Variants in SNRNP40 observed in about 807,000 individuals in gnomAD.
SNRNP40 encodes the protein U5 small nuclear ribonucleoprotein 40 kDa protein.
SNRNP40 carries 21 observed loss-of-function variants against 45.8 expected under a neutral mutation model. The ratio of observed to expected loss-of-function variants is 0.46; its 90% CI spans 0.32 to 0.66. The LOEUF is 0.66. SNRNP40 is among the 30% of genes least tolerant of loss of function. The pLI is 0.03. For missense variants in SNRNP40, 344 were observed against 439.1 expected (o/e 0.78, Z 1.94); for synonymous variants, 142 against 163.8 (o/e 0.87, Z 1.01).
rs147234383 is a variant in SNRNP40, at chr1:31,273,219, A to G, written c.655-1720T>C. Among the ~76,000 whole-genome samples the G allele has an allele frequency of 4.3e-3, 654 of 152,338 alleles. 6 individuals are homozygous for G. Among genetic ancestry groups the G allele is most frequent in the African/African-American group, 0.015 (616 of 41,570 alleles). ...TTCTGAGAAGGCACTGTTGAAATCT[A>G]GCTTTGTAACAACTAGGAGAGAATG... On this transcript the variant is annotated intron_variant, in intron 5 of 9. Coordinates refer to ENST00000263694, the MANE Select transcript of SNRNP40 (RefSeq NM_004814.3).
intron 1 of SNRNP40, among the ~76,000 whole-genome samples, chr1:31,294,926 G>A (rs1557681767): frequency 1.3e-5 from 2 of 148,244 alleles, no homozygotes; most frequent in African/African-American, 2.5e-5. Flanking sequence ...TGGGTGACAA[G>A]AGCAAAATTC....
intron 7 of SNRNP40, among the ~76,000 whole-genome samples, chr1:31,268,581 T>C (rs185378378): frequency 4.4e-4 from 67 of 152,286 alleles, no homozygotes; most frequent in African/African-American, 1.5e-3. Context: ...AAAACAAAAT[T>C]TGATTTATAC....
rs72876330 is a variant in SNRNP40 at position 31,286,430 on chromosome 1, A to G, written c.531+2824T>C. 8.1e-3 allele frequency among the ~76,000 whole-genome samples: 1,227 copies of G among 152,188 alleles called. 19 individuals are homozygous for G. Among genetic ancestry groups the G allele is most frequent in the African/African-American group, 0.028 (1,156 of 41,516 alleles). ...AATTGTGATTCCCATTCTTGGTTGA[A>G]GCCATGTGTGACTCTTCCTTAACCA... On this transcript the variant is annotated intron_variant, in intron 4 of 9. Transcript: ENST00000263694.
intron 8 of SNRNP40, among the ~76,000 whole-genome samples, chr1:31,262,665 C>CA (rs573581277): frequency 2.7e-4 from 40 of 150,708 alleles, no homozygotes; most frequent in African/African-American, 8.3e-4. Context: ...TAGAACTCTT[C>CA]AAAAAAAAAG....
chr1:31,262,475 C>T (rs1277238653), intron 8 of SNRNP40, among the ~76,000 whole-genome samples: 4 of 136,446 alleles, frequency 2.9e-5, no homozygotes, highest in African/African-American at 1.1e-4. Context: ...GAGCTGAGAC[C>T]GTGGCACTGC....
chr1:31,271,586 G>A lies in SNRNP40; in HGVS notation c.655-87C>T, dbSNP rs530783738. ...ACAAGAGACAAGAGTCAATTGCCCA[G>A]AGACACTGATATTACTCTACTATAA... On this transcript the variant is annotated intron_variant, in intron 5 of 9. Coordinates refer to ENST00000263694, the MANE Select transcript of SNRNP40 (RefSeq NM_004814.3). The A allele has an allele frequency of 1.5e-4, 188 of 1,269,114 alleles. No individual in the cohort carries two copies. The South Asian group carries it at 2.4e-3, about 16-fold the overall frequency. 78.6% of individuals were successfully genotyped at this position (1,269,114 alleles called of 1,614,324 possible).
intron 3 of SNRNP40, 47 bp downstream of exon 3, chr1:31,291,866 C>CAGG (rs142762586): frequency 1.4e-5 from 18 of 1,295,228 alleles, no homozygotes; most frequent in Admixed American, 1.7e-5. Flanking sequence ...GAAAGGACGC[C>CAGG]AAGAATTAGT....
In SNRNP40 at chr1:31,259,778, C is replaced by T. The variant is rs1251150425; in HGVS notation, c.*294G>A. ...TACAAAAAAAAAAAAAAAATCCCAA[C>T]CAACAAATTTGTCACATTGGGCCTG... On this transcript the variant is annotated 3_prime_UTR_variant, in exon 10 of 10. Coordinates refer to ENST00000263694, the MANE Select transcript of SNRNP40 (RefSeq NM_004814.3). 3 of 548,680 alleles carry T rather than the reference C, an allele frequency of 5.5e-6. No individual in the cohort carries two copies. Among genetic ancestry groups the T allele is most frequent in the Middle Eastern group, 2.9e-4 (1 of 3,484 alleles). The allele number at this position is 548,680 out of a possible 1,614,324, so 34.0% of individuals were successfully genotyped here.
chr1:31,278,761 T>C (rs907332766), intron 5 of SNRNP40, among the ~76,000 whole-genome samples: 1 of 152,214 alleles, frequency 6.6e-6, no homozygotes, highest in African/African-American at 2.4e-5. Flanking sequence ...AAGGACCTGA[T>C]GCTTAAGATC....
chr1:31,290,118 T>C (rs1182260987), intron 3 of SNRNP40, among the ~76,000 whole-genome samples: 1 of 152,098 alleles, frequency 6.6e-6, no homozygotes, highest in Non-Finnish European at 1.5e-5. Context: ...CTCAGCCTCC[T>C]ACAGTGCTAG....
intron 7 of SNRNP40, 26 bp from the exon 8 acceptor site, chr1:31,267,958 T>C (rs541088597): frequency 1.9e-6 from 3 of 1,550,858 alleles, no homozygotes; most frequent in East Asian, 2.2e-5. Flanking sequence ...ATCCACTGAA[T>C]AGTAATATAC....
chr1:31,277,142 A>G (rs1284959441), intron 5 of SNRNP40, among the ~76,000 whole-genome samples: 3 of 152,222 alleles, frequency 2.0e-5, no homozygotes, highest in East Asian at 1.9e-4. Flanking sequence ...GGCAGCAGTG[A>G]GCCATGATTG....
At chr1:31,263,061 T>C (rs954602567) in intron 8 of SNRNP40, among the ~76,000 whole-genome samples, 5 of 99,454 alleles carry the variant, frequency 5.0e-5, no homozygotes, top group Non-Finnish European at 6.9e-5. Context: ...TAAGAGGCTA[T>C]AGAGTTTTAA....
At position 31,261,573 on chromosome 1, in the gene SNRNP40, G is replaced by A; in HGVS notation, c.980C>T (p.Ala327Val). ...GAAAGCCACTTCATTGATGGAGCCAGCATGGCCGGGCAGCTTATACAATAT... is the reference window on the plus strand; with the variant it reads ...GAAAGCCACTTCATTGATGGAGCCAACATGGCCGGGCAGCTTATACAATAT... ...RRILYKLPGH[A>V]GSINEVAFHP... Residue 327 changes from alanine to valine, a missense_variant, in exon 9 of 10, where the codon GCT becomes GTT. By Grantham distance (64) the Ala-to-Val change is moderately conservative (BLOSUM62 0). Coordinates refer to ENST00000263694, the MANE Select transcript of SNRNP40 (RefSeq NM_004814.3). 6.2e-7 allele frequency: 1 copy of A among 1,614,046 alleles called. No individual in the cohort carries two copies. The highest frequency in any genetic ancestry group is 8.5e-7 in the Non-Finnish European group (1 of 1,179,894).
Position 31,290,300 on chromosome 1 carries a change from G to A in SNRNP40, c.366-881C>T, listed in dbSNP as rs577963283. On this transcript the variant is annotated intron_variant, in intron 3 of 9. Transcript: ENST00000263694. ...TCCTCCTGCCTCAGCCTCCCAAATA[G>A]CTGGGATTATAAGCACATGCCACCA... is the stretch of plus-strand genomic sequence containing the variant. Among the ~76,000 whole-genome samples, 16 of 152,248 alleles carry A rather than the reference G, an allele frequency of 1.1e-4. No individual in the cohort carries two copies. In the South Asian group the frequency reaches 2.7e-3, roughly 26 times the overall value.
intron 4 of SNRNP40, among the ~76,000 whole-genome samples, chr1:31,288,221 G>A (rs1227863430): frequency 2.0e-5 from 3 of 152,028 alleles, no homozygotes; most frequent in Non-Finnish European, 2.9e-5. Flanking sequence ...AAGAAGTATG[G>A]GGGTGTAGTT....
intron 7 of SNRNP40, among the ~76,000 whole-genome samples, chr1:31,268,733 G>A (rs535338599): frequency 2.0e-5 from 3 of 152,302 alleles, no homozygotes; most frequent in African/African-American, 4.8e-5. Flanking sequence ...TTGGGCCGTG[G>A]TAGTTACTGA....
chr1:31,292,122 G>A, intron 2 of SNRNP40, 116 bp from the exon 3 acceptor site: 1 of 588,816 alleles, frequency 1.7e-6, no homozygotes, highest in East Asian at 3.2e-5. Flanking sequence ...CAGCACTTTG[G>A]GAGGCCGAGA....
intron 7 of SNRNP40, among the ~76,000 whole-genome samples, chr1:31,268,654 G>C (rs1645916040): frequency 6.6e-6 from 1 of 152,140 alleles, no homozygotes; most frequent in Non-Finnish European, 1.5e-5. Flanking sequence ...TTCTCTGAGG[G>C]GAAAAGCTTC....
Sources: allele counts gnomAD v4.1 joint callset (sites outside exome capture counted in the v4.1 genomes callset), GRCh38; gene constraint gnomAD v4.1.1; transcripts MANE v1.5; gene names NCBI Gene and HGNC (gene_info 2026-07-23, HGNC 2026-07-21).